Variants in ZBBX observed in about 807,000 individuals in gnomAD.
The protein encoded by ZBBX is zinc finger B-box domain-containing protein 1.
Under a neutral mutation model 108.5 loss-of-function variants are expected in ZBBX, and 101 were observed. That is an observed-to-expected ratio of 0.93 (90% confidence interval 0.79 to 1.10). ZBBX has a LOEUF of 1.10. Among genes scored for constraint, ZBBX ranks in the 50% least tolerant of loss-of-function variants. The pLI is 0.00. For missense variants in ZBBX, 1,009 were observed against 941.4 expected (o/e 1.07, Z -0.94); for synonymous variants, 356 against 323.4 (o/e 1.10, Z -1.08).
At chr3:167,391,716 T>C (rs1291774233) in intron 1 of ZBBX, among the ~76,000 whole-genome samples, 1 of 151,876 alleles carries the variant, frequency 6.6e-6, no homozygotes, top group African/African-American at 2.4e-5. Flanking sequence ...CATCTTTCTT[T>C]TCATCAAATT....
chr3:167,301,954 TAAAAAAAAAAA>T (rs71176635), intron 17 of ZBBX, among the ~76,000 whole-genome samples: 2 of 92,144 alleles, frequency 2.2e-5, no homozygotes, highest in East Asian at 3.2e-4. Flanking sequence ...AAGACTCCGT[TAAAAAAAAAAA>T]AAAAAAAAAA....
rs1738465561 is a variant in ZBBX at position 167,330,945 on chromosome 3, T to TCTCTCTCTCTCTC, written c.688-2830_688-2829insGAGAGAGAGAGAG. 1.1e-4 allele frequency among the ~76,000 whole-genome samples: 10 copies of TCTCTCTCTCTCTC among 87,172 alleles called. 1 individual carries two copies. The highest frequency in any genetic ancestry group is 1.5e-4 in the Non-Finnish European group (7 of 45,546). The allele number at this position is 87,172 out of a possible 152,430, so 57.2% of individuals were successfully genotyped here. Reference sequence around the variant, plus strand: ...TATCTCTTCTCTCTCCTCTCTTTCTTTCTCTCTCTCTCTCTCTCTCCCCCA... The same window carrying TCTCTCTCTCTCTC: ...TATCTCTTCTCTCTCCTCTCTTTCTTCTCTCTCTCTCTCTCTCTCTCTCTCTCTCTCTCCCCCA... On this transcript the variant is annotated intron_variant, in intron 10 of 21. Transcript: ENST00000675490.
At chr3:167,377,238 G>A (rs1747105232) in intron 2 of ZBBX, among the ~76,000 whole-genome samples, 1 of 152,080 alleles carries the variant, frequency 6.6e-6, no homozygotes, top group Non-Finnish European at 1.5e-5. Flanking sequence ...AAAACCTACT[G>A]CCACAGAATG....
chr3:167,313,817 C>T (rs766831284), intron 16 of ZBBX, among the ~76,000 whole-genome samples, 157 bp downstream of exon 16: 1 of 152,020 alleles, frequency 6.6e-6, no homozygotes, highest in African/African-American at 2.4e-5. Context: ...GACTAAATTG[C>T]ATATTTACTA....
upstream of ZBBX, among the ~76,000 whole-genome samples, chr3:167,383,764 A>G (rs751051798): frequency 5.9e-5 from 9 of 152,106 alleles, no homozygotes; most frequent in Non-Finnish European, 1.3e-4. Flanking sequence ...AATTTAATCA[A>G]CATTTATTCA....
At chr3:167,218,222 T>C in the ZBBX span, among the ~76,000 whole-genome samples, 3 of 152,160 alleles carry the variant, frequency 2.0e-5, no homozygotes, top group Non-Finnish European at 4.4e-5. Flanking sequence ...TGTTTATCTA[T>C]GTAACAAACC....
intron 20 of ZBBX, among the ~76,000 whole-genome samples, chr3:167,259,910 T>C (rs1724177803): frequency 6.6e-6 from 1 of 152,134 alleles, no homozygotes; most frequent in Admixed American, 6.6e-5. Flanking sequence ...TTAACTTGTA[T>C]TTTTGTTTTA....
Position 167,353,848 on chromosome 3 carries a change from C to T in ZBBX, c.433-3333G>A, listed in dbSNP as rs73879679. On this transcript the variant is annotated intron_variant, in intron 8 of 21. Transcript: ENST00000675490. ...TAGTGGTGGGGACAGGAATTCAATC[C>T]TACCATGTGGCTCAAAGCTTAAACC... Among the ~76,000 whole-genome samples, 438 of 151,966 alleles carry T rather than the reference C, an allele frequency of 2.9e-3. 6 individuals are homozygous for T. Among genetic ancestry groups the T allele is most frequent in the African/African-American group, 9.9e-3 (409 of 41,518 alleles).
Position 167,246,467 on chromosome 3 carries a change from A to T in ZBBX, c.2255-3824T>A, listed in dbSNP as rs138254218. Among the ~76,000 whole-genome samples the T allele has an allele frequency of 1.6e-3, 251 of 152,338 alleles. 1 individual carries two copies. The highest frequency in any genetic ancestry group is 4.8e-3 in the African/African-American group (199 of 41,586). ...CTCACTGTTTTATTTCACTGACAGTATGGCCTATTGTCTAGTATCTGGTGC... is the reference window on the plus strand; with the variant it reads ...CTCACTGTTTTATTTCACTGACAGTTTGGCCTATTGTCTAGTATCTGGTGC... On this transcript the variant is annotated intron_variant, in intron 20 of 21. Transcript: ENST00000675490.
intron 20 of ZBBX, among the ~76,000 whole-genome samples, chr3:167,262,729 T>C (rs1724767455): frequency 6.6e-6 from 1 of 152,212 alleles, no homozygotes; most frequent in Non-Finnish European, 1.5e-5. Flanking sequence ...CCATTTCTTC[T>C]AGATTTTCCA....
At chr3:167,339,736 T>C (rs1175117595) in intron 9 of ZBBX, among the ~76,000 whole-genome samples, 1 of 152,102 alleles carries the variant, frequency 6.6e-6, no homozygotes, top group Non-Finnish European at 1.5e-5. Context: ...TGTGCCATGG[T>C]GGTTTGCTGC....
At chr3:167,193,144 A>T in the ZBBX span, among the ~76,000 whole-genome samples, 1 of 151,948 alleles carries the variant, frequency 6.6e-6, no homozygotes, top group Non-Finnish European at 1.5e-5. Context: ...TCTGTAATTT[A>T]CCTGTTGGTT....
At chr3:167,380,025 G>C (rs1188233706) in intron 1 of ZBBX, among the ~76,000 whole-genome samples, 1 of 152,206 alleles carries the variant, frequency 6.6e-6, no homozygotes, top group Non-Finnish European at 1.5e-5. Flanking sequence ...CCTGAGGCCA[G>C]GGCCCCGTCC....
At chr3:167,282,872 C>T (rs765896162) in intron 19 of ZBBX, among the ~76,000 whole-genome samples, 1 of 152,074 alleles carries the variant, frequency 6.6e-6, no homozygotes, top group African/African-American at 2.4e-5. Flanking sequence ...CAGGACAATA[C>T]CAAACTTAAT....
intron 1 of ZBBX, among the ~76,000 whole-genome samples, chr3:167,404,240 AAG>A (rs1376187653): frequency 6.6e-6 from 1 of 152,212 alleles, no homozygotes; most frequent in Admixed American, 6.5e-5. Context: ...TAATATTTCT[AAG>A]TGTGCATGCT....
chr3:167,394,885 G>A (rs754627631), intron 1 of ZBBX, among the ~76,000 whole-genome samples: 34 of 152,008 alleles, frequency 2.2e-4, no homozygotes, highest in Admixed American at 5.3e-4. Context: ...ACCTGCAATG[G>A]TCCAATCATC....
At chr3:167,333,160 T>G (rs1486054404) in intron 10 of ZBBX, among the ~76,000 whole-genome samples, 1 of 151,934 alleles carries the variant, frequency 6.6e-6, no homozygotes, top group Non-Finnish European at 1.5e-5. Context: ...AGATTTAACT[T>G]CAACCCAGAC....
chr3:167,214,422 C>T, the ZBBX span, among the ~76,000 whole-genome samples: 1 of 152,118 alleles, frequency 6.6e-6, no homozygotes, highest in Non-Finnish European at 1.5e-5. Flanking sequence ...GTAAAGGTCT[C>T]AATTCAACAA....
chr3:167,360,410 A>G (rs976595222), intron 7 of ZBBX, among the ~76,000 whole-genome samples: 12 of 151,784 alleles, frequency 7.9e-5, no homozygotes, highest in African/African-American at 2.2e-4. Context: ...CATTACATCA[A>G]TAAAATTTAA....
Sources: allele counts gnomAD v4.1 joint callset (sites outside exome capture counted in the v4.1 genomes callset), GRCh38; gene constraint gnomAD v4.1.1; transcripts MANE v1.5; gene names NCBI Gene and HGNC (gene_info 2026-07-23, HGNC 2026-07-21).